Variants in STAM2 observed in about 807,000 individuals in gnomAD.
The protein encoded by STAM2 is signal transducing adapter molecule 2.
STAM2 carries 51 observed loss-of-function variants against 65.6 expected under a neutral mutation model. The observed-to-expected ratio is 0.78, with a 90% confidence interval of 0.62 to 0.98. STAM2 has a LOEUF of 0.98. Among genes scored for constraint, STAM2 ranks in the 50% least tolerant of loss-of-function variants. The pLI, the probability that STAM2 is intolerant of heterozygous loss-of-function variation, is 0.00. For missense variants in STAM2, 584 were observed against 617.8 expected (o/e 0.95, Z 0.58); for synonymous variants, 198 against 208.4 (o/e 0.95, Z 0.43).
At chr2:152,149,118 T>A (rs1689392033) in intron 2 of STAM2, among the ~76,000 whole-genome samples, 1 of 152,200 alleles carries the variant, frequency 6.6e-6, no homozygotes, top group Admixed American at 6.5e-5. Flanking sequence ...GTTAATCTAT[T>A]ATATTTATAT....
chr2:152,173,644 G>A (rs1327491271), intron 1 of STAM2, among the ~76,000 whole-genome samples: 1 of 151,952 alleles, frequency 6.6e-6, no homozygotes, highest in African/African-American at 2.4e-5. Context: ...TGATTTACCC[G>A]CCTCGGCCTC....
Position 152,143,807 on chromosome 2 carries a change from C to G in STAM2, c.704+20G>C. The G allele has an allele frequency of 6.3e-7, 1 of 1,582,768 alleles. No homozygotes were observed. Among genetic ancestry groups the G allele is most frequent in the African/African-American group, 1.4e-5 (1 of 73,786 alleles). Reference sequence around the variant, plus strand: ...AAGGGCATTACACTTTAAACCTTCCCATAAAGATTTAAAACTTACCTGTCA... The same window carrying G: ...AAGGGCATTACACTTTAAACCTTCCGATAAAGATTTAAAACTTACCTGTCA... On this transcript the variant is annotated intron_variant, in intron 7 of 13. Coordinates refer to ENST00000263904, the MANE Select transcript of STAM2 (RefSeq NM_005843.6).
At chr2:152,131,032 A>C (rs12613984) in intron 11 of STAM2, among the ~76,000 whole-genome samples, 34,231 of 150,486 alleles carry the variant, frequency 0.23, 3,995 homozygotes, top group Admixed American at 0.3. Context: ...AAACAAAACT[A>C]TGTAGGATAA....
intron 1 of STAM2, among the ~76,000 whole-genome samples, chr2:152,162,982 C>T (rs1171500931): frequency 6.6e-6 from 1 of 152,128 alleles, no homozygotes; most frequent in Non-Finnish European, 1.5e-5. Context: ...AAATAACTAG[C>T]ACAAGGTTAT....
chr2:152,167,835 A>T (rs996860607), intron 1 of STAM2, among the ~76,000 whole-genome samples: 4 of 152,088 alleles, frequency 2.6e-5, no homozygotes, highest in African/African-American at 9.7e-5. Flanking sequence ...GCTTGAACCC[A>T]GGAGACAGAG....
chr2:152,123,444 A>G (rs1402543911), intron 13 of STAM2, among the ~76,000 whole-genome samples: 2 of 152,206 alleles, frequency 1.3e-5, no homozygotes, highest in East Asian at 3.9e-4. Context: ...TCAAAGTAAC[A>G]ACAGTTTTCT....
chr2:152,175,280 G>T (rs1005275655), intron 1 of STAM2, among the ~76,000 whole-genome samples: 1 of 152,216 alleles, frequency 6.6e-6, no homozygotes, highest in Admixed American at 6.5e-5. Flanking sequence ...CGAGCAGGAA[G>T]TTTTTAATCA....
chr2:152,143,223 T>A (rs1269443308), intron 7 of STAM2, among the ~76,000 whole-genome samples: 2 of 152,228 alleles, frequency 1.3e-5, no homozygotes, highest in African/African-American at 4.8e-5. Flanking sequence ...TAGTGTGTTA[T>A]AAATAACTAA....
intron 5 of STAM2, among the ~76,000 whole-genome samples, chr2:152,146,874 C>A (rs1203650395): frequency 6.6e-6 from 1 of 152,136 alleles, no homozygotes; most frequent in Non-Finnish European, 1.5e-5. Context: ...CTACAAATTT[C>A]TTGAATATAA....
At chr2:152,131,903 T>C (rs765949385) in intron 11 of STAM2, 5 of 527,688 alleles carry the variant, frequency 9.5e-6, no homozygotes, top group Non-Finnish European at 1.7e-5. Context: ...AAATTTTTAT[T>C]TAATAAAACT....
intron 6 of STAM2, 91 bp downstream of exon 6, chr2:152,144,797 A>C: frequency 9.3e-7 from 1 of 1,080,878 alleles, no homozygotes; most frequent in East Asian, 2.4e-5. Flanking sequence ...TCGGCCTCCC[A>C]AAGTGCTGGG....
intron 11 of STAM2, chr2:152,131,859 T>C: frequency 2.2e-6 from 1 of 460,044 alleles, no homozygotes; most frequent in Non-Finnish European, 3.9e-6. Flanking sequence ...ACTAGAAGCA[T>C]GCTAGAACAG....
At position 152,120,777 on chromosome 2, in the gene STAM2, G is replaced by C; in HGVS notation, c.1375C>G (p.Pro459Ala). ...LSTGQDTVSN[P>A]TYMNQNSNLQ... is the part of the protein sequence containing the mutation. Reference sequence around the variant, plus strand: ...TTAGAGTTCTGGTTCATATAAGTAGGATTGGAAACAGTGTCTTGTCCAGTG... The same window carrying C: ...TTAGAGTTCTGGTTCATATAAGTAGCATTGGAAACAGTGTCTTGTCCAGTG... The change falls in exon 14 of 14, where the codon CCT (proline) becomes GCT (alanine). Residue 459 changes from proline (P) to alanine (A), a missense_variant. By Grantham distance (27) the Pro-to-Ala change is conservative (BLOSUM62 -1). Coordinates refer to ENST00000263904, the MANE Select transcript of STAM2 (RefSeq NM_005843.6). 1 of 1,614,104 alleles carries C rather than the reference G, an allele frequency of 6.2e-7. No homozygotes were observed. Among genetic ancestry groups the C allele is most frequent in the Non-Finnish European group, 8.5e-7 (1 of 1,179,990 alleles).
In STAM2 at chr2:152,132,094, T is replaced by A; in HGVS notation, c.1025+20A>T. 6.6e-7 allele frequency: 1 copy of A among 1,517,890 alleles called. No homozygotes were observed. Among genetic ancestry groups the A allele is most frequent in the Non-Finnish European group, 8.9e-7 (1 of 1,123,098 alleles). 94.0% of individuals were successfully genotyped at this position (1,517,890 alleles called of 1,614,324 possible). On this transcript the variant is annotated intron_variant, in intron 11 of 13. Coordinates refer to ENST00000263904, the MANE Select transcript of STAM2 (RefSeq NM_005843.6). ...AACCCCCCAAAACTATACTTTTTAT[T>A]CCTGCACGAAAAATCTCACCTATCA... is the stretch of plus-strand genomic sequence containing the variant.
intron 8 of STAM2, among the ~76,000 whole-genome samples, chr2:152,134,256 C>T (rs1302136086): frequency 6.6e-6 from 1 of 152,132 alleles, no homozygotes; most frequent in East Asian, 1.9e-4. Context: ...CAGAAGTCAG[C>T]ATAACACAAG....
At chr2:152,147,962 TATA>T in intron 4 of STAM2, 59 bp downstream of exon 4, 2 of 1,239,656 alleles carry the variant, frequency 1.6e-6, no homozygotes, top group South Asian at 2.6e-5. Flanking sequence ...CACATATAGT[TATA>T]ATGACACACA....
chr2:152,123,419 C>T (rs10930939), intron 13 of STAM2, among the ~76,000 whole-genome samples: 43,104 of 151,982 alleles, frequency 0.28, 6,458 homozygotes, highest in African/African-American at 0.37. Context: ...ACAGTTCAAA[C>T]GCCCTTCTTA....
intron 12 of STAM2, 168 bp from the exon 13 acceptor site, chr2:152,124,103 A>C (rs1185268451): frequency 1.7e-6 from 1 of 585,610 alleles, no homozygotes; most frequent in African/African-American, 1.9e-5. Context: ...CTGTCAAATC[A>C]CAGTGCCAAA....
At chr2:152,153,911 C>CACAA (rs1553847145) in intron 1 of STAM2, among the ~76,000 whole-genome samples, 2,305 of 151,816 alleles carry the variant, frequency 0.015, 51 homozygotes, top group African/African-American at 0.053. Flanking sequence ...CACACACACA[C>CACAA]ACACACACGC....
Sources: allele counts gnomAD v4.1 joint callset (sites outside exome capture counted in the v4.1 genomes callset), GRCh38; gene constraint gnomAD v4.1.1; transcripts MANE v1.5; gene names NCBI Gene and HGNC (gene_info 2026-07-23, HGNC 2026-07-21).